ROS1: variants seen among roughly 807,000 people sequenced by gnomAD.
ROS1 encodes the protein proto-oncogene tyrosine-protein kinase ROS.
Under a neutral mutation model 273.5 loss-of-function variants are expected in ROS1, and 263 were observed. The ratio of observed to expected loss-of-function variants is 0.96; its 90% CI spans 0.87 to 1.06. The LOEUF (loss-of-function observed/expected upper bound fraction) is 1.06. Among genes scored for constraint, ROS1 ranks in the 50% least tolerant of loss-of-function variants. The pLI is 0.00. For synonymous variants in ROS1, 1,008 were observed against 954.1 expected (o/e 1.06, Z -1.04); for missense variants, 2,833 against 2,751.1 (o/e 1.03, Z -0.67).
chr6:117,307,071 A>T (rs181893898), intron 42 of ROS1, among the ~76,000 whole-genome samples: 1 of 152,232 alleles, frequency 6.6e-6, no homozygotes, highest in East Asian at 1.9e-4. Context: ...ATATTTTTCC[A>T]CTCATAATCA....
intron 32 of ROS1, among the ~76,000 whole-genome samples, chr6:117,329,775 G>C (rs1453392373): frequency 6.6e-6 from 1 of 152,008 alleles, no homozygotes; most frequent in East Asian, 1.9e-4. Flanking sequence ...CCAGCCAAGG[G>C]GAGCGGCGAG....
rs544918243 is a variant in ROS1 at position 117,366,077 on chromosome 6, T to G, written c.2796A>C (p.Pro932=). Residue 932 remains proline (P), a splice_region_variant and synonymous_variant, in exon 19 of 44, where the codon CCA becomes CCC. Coordinates refer to ENST00000368507, the MANE Select transcript of ROS1 (RefSeq NM_001378902.1). ...GTAAGCAGGAATGAAATACTGTACC[T>G]GGCAGGGGCTTAAGGGATGTCTGAA... ...TIIQTSLKPL[P]GNFSFTPKVI... 584 of 1,610,510 alleles carry G rather than the reference T, an allele frequency of 3.6e-4. 4 individuals are homozygous for G. The highest frequency in any genetic ancestry group is 1.5e-3 in the South Asian group (139 of 91,004).
At chr6:117,318,293 C>T (rs1317270098) in intron 37 of ROS1, 41 bp from the exon 38 acceptor site, 1 of 1,464,532 alleles carries the variant, frequency 6.8e-7, no homozygotes, top group Non-Finnish European at 9.6e-7. Flanking sequence ...GTATAGCAGA[C>T]ATTTCTGTGA....
chr6:117,332,436 C>A (rs1276415051), intron 32 of ROS1, among the ~76,000 whole-genome samples: 1 of 152,158 alleles, frequency 6.6e-6, no homozygotes, highest in Non-Finnish European at 1.5e-5. Flanking sequence ...GACAGATCAA[C>A]AAGACAGAAA....
At chr6:117,309,894 T>C (rs1004569685) in intron 41 of ROS1, among the ~76,000 whole-genome samples, 187 bp downstream of exon 41, 1 of 152,232 alleles carries the variant, frequency 6.6e-6, no homozygotes, top group East Asian at 1.9e-4. Flanking sequence ...GGGAGGAGCA[T>C]AAACTGCTGA....
chr6:117,340,995 TG>T (rs1777868159), intron 31 of ROS1, 139 bp downstream of exon 31: 1 of 612,174 alleles, frequency 1.6e-6, no homozygotes, highest in Non-Finnish European at 2.8e-6. Context: ...GATAACTCAC[TG>T]CTTCTGCATG....
intron 26 of ROS1, among the ~76,000 whole-genome samples, chr6:117,354,881 T>C (rs1414622786): frequency 1.3e-5 from 2 of 152,072 alleles, no homozygotes; most frequent in East Asian, 3.9e-4. Flanking sequence ...GCAAAGACAG[T>C]TGGGGTTTTT....
chr6:117,340,906 T>C (rs1046285772), intron 31 of ROS1, among the ~76,000 whole-genome samples: 2 of 152,150 alleles, frequency 1.3e-5, no homozygotes, highest in African/African-American at 4.8e-5. Flanking sequence ...TAGTACACTA[T>C]AACTTATACC....
rs114337299 is a variant in ROS1 at position 117,407,733 on chromosome 6, C to T, written c.316+1849G>A. Among the ~76,000 whole-genome samples, 750 of 152,222 alleles carry T rather than the reference C, an allele frequency of 4.9e-3. 10 individuals carry two copies. Among genetic ancestry groups the T allele is most frequent in the African/African-American group, 0.017 (720 of 41,546 alleles). Reference sequence around the variant, plus strand: ...AAACTACTTTAAAGTTCACATGGAACCAAAAAAATGCCCACATTGCCAAGT... The same window carrying T: ...AAACTACTTTAAAGTTCACATGGAATCAAAAAAATGCCCACATTGCCAAGT... On this transcript the variant is annotated intron_variant, in intron 5 of 43. Coordinates refer to ENST00000368507, the MANE Select transcript of ROS1 (RefSeq NM_001378902.1).
rs375228224 is a variant in ROS1 at position 117,288,549 on chromosome 6, A to C, written c.6969T>G (p.Pro2323=). ...KQVAYCPSGK[P]EGLNYACLTH... is the part of the protein sequence containing the mutation. ...TGAGACAGGCATAGTTCAGGCCTTC[A>C]GGCTTGCCAGAAGGGCAGTAAGCCA... is the stretch of plus-strand genomic sequence containing the variant. The change falls in exon 44 of 44, where the codon CCT becomes CCG. Residue 2323 remains proline, a synonymous_variant. Transcript: ENST00000368507. 53 of 1,614,006 alleles carry C rather than the reference A, an allele frequency of 3.3e-5. No homozygotes were observed. The highest frequency in any genetic ancestry group is 4.3e-5 in the Non-Finnish European group (51 of 1,179,972).
intron 12 of ROS1, among the ~76,000 whole-genome samples, chr6:117,390,407 A>C (rs921506839): frequency 6.6e-6 from 1 of 152,102 alleles, no homozygotes; most frequent in Non-Finnish European, 1.5e-5. Flanking sequence ...GATTACAGGC[A>C]TTAGCCACCA....
chr6:117,299,523 G>A (rs897832102), intron 43 of ROS1: 10 of 152,182 alleles, frequency 6.6e-5, no homozygotes, highest in Non-Finnish European at 1.3e-4. Context: ...TCCCTGATAG[G>A]AAAGGACCAT....
chr6:117,361,594 T>C (rs758106955), intron 22 of ROS1, among the ~76,000 whole-genome samples: 2 of 148,822 alleles, frequency 1.3e-5, no homozygotes, highest in Non-Finnish European at 3.0e-5. Flanking sequence ...ATTCTATATA[T>C]AGACACACTT....
intron 42 of ROS1, among the ~76,000 whole-genome samples, chr6:117,306,829 T>G (rs1775137672): frequency 6.6e-6 from 1 of 152,148 alleles, no homozygotes; most frequent in Non-Finnish European, 1.5e-5. Context: ...AGATCTCCAT[T>G]TCCTAGCCCA....
Position 117,404,382 on chromosome 6 carries a change from G to A in ROS1, c.363C>T (p.Ser121=), listed in dbSNP as rs2128726809. ...PTAPFASSIG[S]HNMTLRWKSA... is the part of the protein sequence containing the mutation. Reference sequence around the variant, plus strand: ...ATTTCCATCGTAATGTCATATTGTGGCTTCCAATGGAAGAAGCAAAGGGAG... The same window carrying A: ...ATTTCCATCGTAATGTCATATTGTGACTTCCAATGGAAGAAGCAAAGGGAG... The change falls in exon 6 of 44, where the codon AGC becomes AGT. Residue 121 remains serine, a synonymous_variant. Coordinates refer to ENST00000368507, the MANE Select transcript of ROS1 (RefSeq NM_001378902.1). 6.2e-7 allele frequency: 1 copy of A among 1,613,840 alleles called. No homozygotes were observed. Among genetic ancestry groups the A allele is most frequent in the Admixed American group, 1.7e-5 (1 of 59,984 alleles).
intron 1 of ROS1, among the ~76,000 whole-genome samples, chr6:117,423,321 G>T (rs137927861): frequency 1.1e-4 from 17 of 152,168 alleles, no homozygotes; most frequent in Non-Finnish European, 2.4e-4. Context: ...ATTAAAAAAG[G>T]GTTTTGTTGC....
chr6:117,387,978 GC>G lies in ROS1; in HGVS notation c.1800del (p.Trp600CysfsTer8). On this transcript the variant is annotated frameshift_variant, in exon 14 of 44. Coordinates refer to ENST00000368507, the MANE Select transcript of ROS1 (RefSeq NM_001378902.1). LOFTEE classifies it high-confidence loss of function. ...ALAIGASPSA[W>X]QNWTYEVKVS... The stretch of plus-strand genomic sequence containing the variant: ...ACTTTCACCTCATAGGTCCAGTTCT[GC>G]CAGGCAGAAGGGCCTAATTCAAAGA... The G allele has an allele frequency of 2.5e-6, 4 of 1,614,068 alleles. No individual in the cohort carries two copies. Among genetic ancestry groups the G allele is most frequent in the Non-Finnish European group, 3.4e-6 (4 of 1,179,916 alleles).
intron 18 of ROS1, among the ~76,000 whole-genome samples, chr6:117,369,568 T>A (rs1424161649): frequency 1.3e-5 from 2 of 150,468 alleles, no homozygotes; most frequent in Non-Finnish European, 3.0e-5. Context: ...CGAGACTCCA[T>A]CTCAAAAAAA....
intron 18 of ROS1, among the ~76,000 whole-genome samples, chr6:117,375,828 T>G (rs547702580): frequency 1.6e-4 from 25 of 152,084 alleles, no homozygotes; most frequent in African/African-American, 6.0e-4. Context: ...AGCACCCAAA[T>G]ACATTAACCA....
Sources: allele counts gnomAD v4.1 joint callset (sites outside exome capture counted in the v4.1 genomes callset), GRCh38; gene constraint gnomAD v4.1.1; transcripts MANE v1.5; gene names NCBI Gene and HGNC (gene_info 2026-07-23, HGNC 2026-07-21).